AREG: variants seen among roughly 807,000 people sequenced by gnomAD.
The protein encoded by AREG is amphiregulin, also known as amphiregulin B.
In AREG, 16 loss-of-function variants were observed where a neutral mutation model predicts 28.0. The observed-to-expected ratio is 0.57, with a 90% CI of 0.39 to 0.87. AREG has a LOEUF of 0.87. Ranked by LOEUF, AREG falls within the 40% of genes least tolerant of loss-of-function variation. AREG has a pLI of 0.00. For synonymous variants in AREG, 113 were observed against 113.5 expected, an observed-to-expected ratio of 1.00 and a Z score of 0.02; for missense variants, 287 against 309.1, an observed-to-expected ratio of 0.93 and a Z score of 0.53.
At position 74,450,456 on chromosome 4, in the gene AREG, T is replaced by C; in HGVS notation, c.589T>C (p.Ser197Pro). Residue 197 changes from serine to proline, a missense_variant, in exon 4 of 6, where the codon TCA becomes CCA. By Grantham distance (74) the Ser-to-Pro change is moderately conservative (BLOSUM62 -1). Transcript: ENST00000395748. ...KTHSMIDSSL[S>P]KIALAAIAAF... ...TCACAGCATGATTGACAGTAGTTTATCAAAAATTGCATTAGCAGCCATAGC... is the reference window on the plus strand; with the variant it reads ...TCACAGCATGATTGACAGTAGTTTACCAAAAATTGCATTAGCAGCCATAGC... 6.2e-7 allele frequency: 1 copy of C among 1,613,996 alleles called. No individual in the cohort carries two copies. The highest frequency in any genetic ancestry group is 8.5e-7 in the Non-Finnish European group (1 of 1,179,858).
In AREG at chr4:74,446,661, T is replaced by G. The variant is rs997373892; in HGVS notation, c.189T>G (p.Ile63Met). 1 of 1,613,954 alleles carries G rather than the reference T, an allele frequency of 6.2e-7. No individual in the cohort carries two copies. Among genetic ancestry groups the G allele is most frequent in the Non-Finnish European group, 8.5e-7 (1 of 1,179,866 alleles). ...GTGAGATGTCTTCAGGGAGTGAGAT[T>G]TCCCCTGTGAGTGAAATGCCTTCTA... ...SRSEMSSGSE[I>M]SPVSEMPSSS... Residue 63 changes from isoleucine (I) to methionine (M), a missense_variant, in exon 2 of 6, where the codon ATT (isoleucine) becomes ATG (methionine). By Grantham distance (10) the Ile-to-Met change is conservative. Coordinates refer to ENST00000395748, the MANE Select transcript of AREG (RefSeq NM_001657.4).
At chr4:74,446,397 A>G (rs1435400453) in intron 1 of AREG, 137 bp from the exon 2 acceptor site, 1 of 1,495,810 alleles carries the variant, frequency 6.7e-7, no homozygotes, top group Non-Finnish European at 9.1e-7. Context: ...TTTCATAGAA[A>G]TGACTCAATC....
At chr4:74,452,715 A>G in intron 5 of AREG, 60 bp downstream of exon 5, 2 of 1,434,372 alleles carry the variant, frequency 1.4e-6, no homozygotes, top group South Asian at 2.6e-5. Flanking sequence ...ATTTAACACT[A>G]TATAATCTCA....
intron 3 of AREG, among the ~76,000 whole-genome samples, chr4:74,449,670 G>A (rs1719348849): frequency 6.6e-6 from 1 of 152,184 alleles, no homozygotes; most frequent in African/African-American, 2.4e-5. Context: ...AGAATTAATT[G>A]CTTGAGCTCA....
chr4:74,448,098 C>T (rs954541208), intron 2 of AREG, among the ~76,000 whole-genome samples: 12 of 152,192 alleles, frequency 7.9e-5, no homozygotes, highest in African/African-American at 2.4e-4. Flanking sequence ...TAGTGCTTAT[C>T]GCAACACTTC....
chr4:74,449,807 A>G (rs1317143682), intron 3 of AREG, among the ~76,000 whole-genome samples: 2 of 152,114 alleles, frequency 1.3e-5, no homozygotes, highest in Non-Finnish European at 2.9e-5. Flanking sequence ...CAGGTTGTTT[A>G]ACAAAACAAA....
At chr4:74,445,768 T>C (rs1197174233) in intron 1 of AREG, among the ~76,000 whole-genome samples, 2 of 152,196 alleles carry the variant, frequency 1.3e-5, no homozygotes, top group Non-Finnish European at 2.9e-5. Context: ...TCCTGCCTAA[T>C]TCTCCATCTC....
In AREG at chr4:74,452,556, A is replaced by G. The variant is rs1256151446; in HGVS notation, c.678A>G (p.Gln226=). Residue 226 remains glutamine, a synonymous_variant, in exon 5 of 6, where the codon CAA becomes CAG. Transcript: ENST00000395748. ...TTGTTCTCTGAAGGCTTAGAAGACA[A>G]TACGTCAGGAAATATGAAGGAGAAG... ...VAVITVQLRR[Q]YVRKYEGEAE... 16 of 1,613,562 alleles carry G rather than the reference A, an allele frequency of 9.9e-6. No homozygotes were observed. In the East Asian group the frequency reaches 1.8e-4, roughly 18 times the overall value.
At chr4:74,450,689 A>G (rs1288610519) in intron 4 of AREG, among the ~76,000 whole-genome samples, 157 bp downstream of exon 4, 6 of 152,226 alleles carry the variant, frequency 3.9e-5, no homozygotes, top group African/African-American at 1.2e-4. Flanking sequence ...AATATCACAG[A>G]AAGTGGTCAA....
intron 4 of AREG, among the ~76,000 whole-genome samples, chr4:74,451,101 A>G (rs1324887031): frequency 6.6e-6 from 1 of 152,240 alleles, no homozygotes; most frequent in Non-Finnish European, 1.5e-5. Flanking sequence ...GAACTCAATT[A>G]TTAAAAATAA....
intron 5 of AREG, among the ~76,000 whole-genome samples, 156 bp downstream of exon 5, chr4:74,452,811 A>T (rs1311826710): frequency 6.6e-6 from 1 of 152,332 alleles, no homozygotes; most frequent in East Asian, 1.9e-4. Flanking sequence ...ATAAGATGGA[A>T]TTCAATGTTG....
Position 74,446,743 on chromosome 4 carries a change from C to T in AREG, c.271C>T (p.Pro91Ser), listed in dbSNP as rs1002175059. ...CTACTCAGAAGAGTATGATAACGAA[C>T]CACAAATACCTGGCTATATTGTCGA... ...YDYSEEYDNE[P>S]QIPGYIVDDS... Residue 91 changes from proline (P) to serine (S), a missense_variant, in exon 2 of 6, where the codon CCA becomes TCA. Coordinates refer to ENST00000395748, the MANE Select transcript of AREG (RefSeq NM_001657.4). 6.2e-7 allele frequency: 1 copy of T among 1,613,792 alleles called. No homozygotes were observed. The highest frequency in any genetic ancestry group is 8.5e-7 in the Non-Finnish European group (1 of 1,179,864).
Position 74,446,565 on chromosome 4 carries a change from C to T in AREG, c.93C>T (p.Asp31=), listed in dbSNP as rs1490607973. Residue 31 remains aspartate, a synonymous_variant, in exon 2 of 6, where the codon GAC becomes GAT. Coordinates refer to ENST00000395748, the MANE Select transcript of AREG (RefSeq NM_001657.4). Reference sequence around the variant, plus strand: ...ATGCTGCTGGATTGGACCTCAATGACACCTACTCTGGGAAGCGTGAACCAT... The same window carrying T: ...ATGCTGCTGGATTGGACCTCAATGATACCTACTCTGGGAAGCGTGAACCAT... ...GHYAAGLDLN[D]TYSGKREPFS... The T allele has an allele frequency of 6.2e-6, 10 of 1,613,854 alleles. No homozygotes were observed. The African/African-American group carries it at 1.2e-4, about 19-fold the overall frequency.
chr4:74,450,646 A>G, intron 4 of AREG, 114 bp downstream of exon 4: 1 of 1,397,682 alleles, frequency 7.2e-7, no homozygotes. Context: ...TTGTCACTTG[A>G]TCTTTGGTTT....
chr4:74,454,821 T>C lies in AREG; in HGVS notation c.*81T>C, dbSNP rs1456496105. 8 of 700,428 alleles carry C rather than the reference T, an allele frequency of 1.1e-5. No individual in the cohort carries two copies. Among genetic ancestry groups the C allele is most frequent in the Non-Finnish European group, 2.1e-5 (8 of 383,692 alleles). 43.4% of individuals were successfully genotyped at this position (700,428 alleles called of 1,614,324 possible). On this transcript the variant is annotated 3_prime_UTR_variant, in exon 6 of 6. Transcript: ENST00000395748. ...AATGATGAGTCGGTCCTCTTTCCAG[T>C]GGATCATAAGACAATGGACCCTTTT...
rs1719336215 is a variant in AREG at position 74,448,925 on chromosome 4, G to T, written c.311-122G>T. ...CTCTCTAACTTTTATATTGTGTTAG[G>T]TAATGAGGCACGCATGGCTGTTACC... On this transcript the variant is annotated intron_variant, in intron 2 of 5. Coordinates refer to ENST00000395748, the MANE Select transcript of AREG (RefSeq NM_001657.4). 6.3e-5 allele frequency: 87 copies of T among 1,370,672 alleles called. No homozygotes were observed. The South Asian group carries it at 1.1e-3, about 17-fold the overall frequency. 84.9% of individuals were successfully genotyped at this position (1,370,672 alleles called of 1,614,324 possible).
intron 5 of AREG, 70 bp downstream of exon 5, chr4:74,452,725 A>C: frequency 3.2e-4 from 437 of 1,345,860 alleles, no homozygotes; most frequent in Non-Finnish European, 4.1e-4. Context: ...ATATAATCTC[A>C]AGAAAAATAT....
intron 1 of AREG, among the ~76,000 whole-genome samples, chr4:74,445,678 A>G (rs951906100): frequency 6.6e-6 from 1 of 152,226 alleles, no homozygotes; most frequent in Non-Finnish European, 1.5e-5. Flanking sequence ...TTCGTTTCAC[A>G]GATTAAAAGA....
intron 4 of AREG, among the ~76,000 whole-genome samples, chr4:74,451,615 T>A (rs1203245364): frequency 6.6e-6 from 1 of 152,232 alleles, no homozygotes; most frequent in Non-Finnish European, 1.5e-5. Flanking sequence ...GAATTTGTCC[T>A]GGTTTTCTAG....
Sources: gnomAD v4.1 joint callset for allele counts (sites outside exome capture counted in the v4.1 genomes callset) on GRCh38, gnomAD v4.1.1 for gene constraint, MANE v1.5 for transcripts, NCBI Gene and HGNC (gene_info 2026-07-23, HGNC 2026-07-21) for gene names.